The following ABI3BP variants were observed in gnomAD, a reference collection of about 807,000 sequenced individuals.
The protein encoded by ABI3BP is target of Nesh-SH3.
A neutral mutation model predicts 268.6 loss-of-function variants in ABI3BP; 216 were observed. The observed-to-expected ratio is 0.80, with a 90% confidence interval of 0.72 to 0.90. The LOEUF (loss-of-function observed/expected upper bound fraction) is 0.90, where lower values mean the gene tolerates loss of function less well. Among genes scored for constraint, ABI3BP ranks in the 40% least tolerant of loss-of-function variants. The pLI, the probability that ABI3BP is intolerant of heterozygous loss-of-function variation, is 0.00. For missense variants in ABI3BP, 2,090 were observed against 2,182.4 expected (o/e 0.96, Z 0.84); for synonymous variants, 730 against 730.0 (o/e 1.00, Z 0.00).
chr3:100,993,253 A>T (rs1034294449), intron 1 of ABI3BP, 53 bp downstream of exon 1: 1 of 1,262,466 alleles, frequency 7.9e-7, no homozygotes, highest in African/African-American at 1.5e-5. Flanking sequence ...CAACATTTAA[A>T]AACATCTATA....
At chr3:100,985,908 T>C (rs1305014746) in intron 1 of ABI3BP, among the ~76,000 whole-genome samples, 23 of 152,238 alleles carry the variant, frequency 1.5e-4, no homozygotes, top group Admixed American at 1.5e-3. Flanking sequence ...CCCATATTCA[T>C]AGTTTCACTA....
chr3:100,956,168 G>A (rs1396505510), intron 1 of ABI3BP, among the ~76,000 whole-genome samples: 6 of 149,312 alleles, frequency 4.0e-5, no homozygotes, highest in Non-Finnish European at 7.4e-5. Context: ...TAGCCTGGGC[G>A]ACAGAGCAAG....
At chr3:100,989,824 T>A (rs979156371) in intron 1 of ABI3BP, among the ~76,000 whole-genome samples, 33 of 152,306 alleles carry the variant, frequency 2.2e-4, no homozygotes, top group African/African-American at 7.7e-4. Context: ...AAAAGGCCAA[T>A]GGTGCCAAGA....
intron 6 of ABI3BP, among the ~76,000 whole-genome samples, chr3:100,885,112 G>A (rs1343875263): frequency 6.6e-6 from 1 of 152,036 alleles, no homozygotes; most frequent in African/African-American, 2.4e-5. Context: ...AAATCAAACT[G>A]GTTGCTCCAT....
At chr3:100,776,156 G>T (rs143678149) in intron 59 of ABI3BP, among the ~76,000 whole-genome samples, 1 of 152,280 alleles carries the variant, frequency 6.6e-6, no homozygotes, top group Non-Finnish European at 1.5e-5. Context: ...GTTTGGAGTC[G>T]AAAGGAGACT....
Position 100,862,306 on chromosome 3 carries a change from A to G in ABI3BP, c.1285+5T>C. ...TCGATTTTTTTAAGAAAAGGATTTAATTACCAGTTTGAGGCTGCAGAACTT... is the reference window on the plus strand; with the variant it reads ...TCGATTTTTTTAAGAAAAGGATTTAGTTACCAGTTTGAGGCTGCAGAACTT... On this transcript the variant is annotated splice_donor_5th_base_variant and intron_variant, in intron 14 of 67. Transcript: ENST00000471714. 3.8e-6 allele frequency: 6 copies of G among 1,583,342 alleles called. No individual in the cohort carries two copies. The highest frequency in any genetic ancestry group is 5.2e-6 in the Non-Finnish European group (6 of 1,164,966).
chr3:100,902,778 C>A, intron 2 of ABI3BP, 92 bp from the exon 3 acceptor site: 2 of 1,043,874 alleles, frequency 1.9e-6, no homozygotes, highest in South Asian at 2.8e-5. Flanking sequence ...TTCCCTGAGT[C>A]ATCCTCCATA....
At chr3:100,842,700 T>C (rs1018638613) in intron 20 of ABI3BP, among the ~76,000 whole-genome samples, 4 of 152,172 alleles carry the variant, frequency 2.6e-5, no homozygotes, top group African/African-American at 9.7e-5. Flanking sequence ...AACTTTCCAA[T>C]GTTTATTCAA....
Position 100,925,617 on chromosome 3 carries a change from G to T in ABI3BP, c.259+685C>A, listed in dbSNP as rs146465136. Among the ~76,000 whole-genome samples, 643 of 152,006 alleles carry T rather than the reference G, an allele frequency of 4.2e-3. 3 individuals are homozygous for T. The highest frequency in any genetic ancestry group is 0.014 in the African/African-American group (596 of 41,456). ...TTTTGTAGAGAGGGGATTTCGTCATGTTGCCCAGGCTGTCTAGAACTCCTT... is the reference window on the plus strand; with the variant it reads ...TTTTGTAGAGAGGGGATTTCGTCATTTTGCCCAGGCTGTCTAGAACTCCTT... On this transcript the variant is annotated intron_variant, in intron 2 of 67. Transcript: ENST00000471714.
chr3:100,771,827 C>A (rs931791463), intron 61 of ABI3BP, among the ~76,000 whole-genome samples: 58 of 151,878 alleles, frequency 3.8e-4, no homozygotes, highest in African/African-American at 1.3e-3. Flanking sequence ...AGCGGGTGAG[C>A]AGAAAAAAAT....
chr3:100,842,897 TAAAG>T (rs1007517482), intron 20 of ABI3BP, among the ~76,000 whole-genome samples: 4 of 152,188 alleles, frequency 2.6e-5, no homozygotes, highest in Non-Finnish European at 5.9e-5. Flanking sequence ...TGACTTTTCT[TAAAG>T]AAAGAAACTA....
At position 100,851,891 on chromosome 3, in the gene ABI3BP, T is replaced by C. The variant is rs2098844179; in HGVS notation, c.1335A>G (p.Ile445Met). 1 of 1,592,874 alleles carries C rather than the reference T, an allele frequency of 6.3e-7. No individual in the cohort carries two copies. Reference protein sequence around the residue: ...SSPTTSDEPEISDSYTATSDR... With the variant: ...SSPTTSDEPEMSDSYTATSDR... ...CAGATATACCTGTGTAGGAATCTGA[T>C]ATCTCAGGCTCATCTGATGTTGTAG... Residue 445 changes from isoleucine (I) to methionine (M), a missense_variant, in exon 15 of 68, where the codon ATA (isoleucine) becomes ATG (methionine). Physicochemically the swap from Ile to Met is conservative, Grantham distance 10 (BLOSUM62 1). Transcript: ENST00000471714.
rs1219228978 is a variant in ABI3BP, at chr3:100,838,177, C to T, written c.2083+33G>A. The T allele has an allele frequency of 2.0e-6, 3 of 1,508,780 alleles. No homozygotes were observed. The South Asian group carries it at 3.6e-5, about 18-fold the overall frequency. The allele number at this position is 1,508,780 out of a possible 1,614,324, so 93.5% of individuals were successfully genotyped here. On this transcript the variant is annotated intron_variant, in intron 26 of 67. Coordinates refer to ENST00000471714, the MANE Select transcript of ABI3BP (RefSeq NM_001375547.2). The stretch of plus-strand genomic sequence containing the variant: ...TTCAGCAATGTTTCCAAAGAAAATC[C>T]TGTTAAGCTAAAGCACTGGAAATTA...
chr3:100,992,274 A>G (rs1314963495), intron 1 of ABI3BP, among the ~76,000 whole-genome samples: 1 of 152,180 alleles, frequency 6.6e-6, no homozygotes, highest in Non-Finnish European at 1.5e-5. Flanking sequence ...CCACCGAGGA[A>G]AGAACAGTTT....
intron 33 of ABI3BP, 148 bp from the exon 34 acceptor site, chr3:100,828,600 G>A: frequency 1.5e-6 from 1 of 659,846 alleles, no homozygotes; most frequent in East Asian, 2.7e-5. Flanking sequence ...GGGAGAAAAT[G>A]ACACCTCTGT....
At chr3:100,760,318 G>A (rs2095867174) in intron 63 of ABI3BP, among the ~76,000 whole-genome samples, 1 of 152,180 alleles carries the variant, frequency 6.6e-6, no homozygotes, top group Non-Finnish European at 1.5e-5. Context: ...AAGGAGAGAG[G>A]TGAGTTCATT....
At chr3:100,936,751 T>C (rs1285518387) in intron 1 of ABI3BP, among the ~76,000 whole-genome samples, 1 of 152,196 alleles carries the variant, frequency 6.6e-6, no homozygotes, top group Non-Finnish European at 1.5e-5. Flanking sequence ...CTAGATTTAC[T>C]AGTTTATTTG....
At chr3:100,911,626 C>T in intron 2 of ABI3BP, 1 of 698,576 alleles carries the variant, frequency 1.4e-6, no homozygotes. Context: ...TGGCTAAAAC[C>T]AGTGGATGTA....
chr3:100,797,193 T>C (rs2097371187), intron 51 of ABI3BP, among the ~76,000 whole-genome samples: 1 of 152,122 alleles, frequency 6.6e-6, no homozygotes, highest in Non-Finnish European at 1.5e-5. Context: ...TACTCGTATA[T>C]GCAGTGCCTG....
Sources: allele counts gnomAD v4.1 joint callset (sites outside exome capture counted in the v4.1 genomes callset), GRCh38; gene constraint gnomAD v4.1.1; transcripts MANE v1.5; gene names NCBI Gene and HGNC (gene_info 2026-07-23, HGNC 2026-07-21).